AGBL3: variants seen among roughly 807,000 people sequenced by gnomAD.
AGBL3 encodes the protein cytosolic carboxypeptidase 3.
AGBL3 carries 68 observed loss-of-function variants against 94.5 expected under a neutral mutation model. The ratio of observed to expected loss-of-function variants is 0.72; its 90% CI spans 0.59 to 0.88. The LOEUF is 0.88. AGBL3 is among the 40% of genes least tolerant of loss of function. The probability of loss-of-function intolerance (pLI) is 0.00; values close to 1 mark genes in which losing one functional copy is unlikely to be tolerated. For missense variants in AGBL3, 934 were observed against 1,103.8 expected, an observed-to-expected ratio of 0.85 and a Z score of 2.18; for synonymous variants, 354 against 370.7, an observed-to-expected ratio of 0.95 and a Z score of 0.52.
intron 14 of AGBL3, among the ~76,000 whole-genome samples, chr7:135,080,652 C>A (rs1003034477): frequency 5.3e-5 from 8 of 151,790 alleles, no homozygotes. Flanking sequence ...AAGATAAGCC[C>A]AGGAGAGAAA....
At chr7:135,069,011 C>G (rs62479663) in intron 12 of AGBL3, among the ~76,000 whole-genome samples, 7,747 of 151,856 alleles carry the variant, frequency 0.051, 281 homozygotes, top group Middle Eastern at 0.18. Context: ...CAAATAGGCT[C>G]AAAATAAAGG....
rs765034879 is a variant in AGBL3 at position 135,050,993 on chromosome 7, ATTATTTC to A, written c.1841+5084_1841+5090del. The A allele has an allele frequency of 1.8e-3, 737 of 418,260 alleles. 10 individuals are homozygous for A. Among genetic ancestry groups the A allele is most frequent in the South Asian group, 0.01 (587 of 57,102 alleles). The allele number at this position is 418,260 out of a possible 1,614,324, so 25.9% of individuals were successfully genotyped here. ...TTTTTTTCTCTTTTCTTCTCTTCAA[ATTATTTC>A]TAATGCTGTCACTACCCACAGAGAA... On this transcript the variant is annotated intron_variant, in intron 11 of 16. Transcript: ENST00000436302.
intron 2 of AGBL3, among the ~76,000 whole-genome samples, chr7:134,988,698 C>G (rs924257172): frequency 7.9e-5 from 12 of 151,622 alleles, no homozygotes; most frequent in African/African-American, 2.9e-4. Flanking sequence ...AGTGCAATGG[C>G]GCGATCTCGG....
intron 4 of AGBL3, among the ~76,000 whole-genome samples, chr7:135,009,011 AC>A (rs1232388021): frequency 6.6e-6 from 1 of 152,186 alleles, no homozygotes; most frequent in Non-Finnish European, 1.5e-5. Flanking sequence ...AGAGATTGGA[AC>A]CCTTATACAC....
intron 4 of AGBL3, among the ~76,000 whole-genome samples, chr7:135,000,299 G>T (rs1811556197): frequency 6.6e-6 from 1 of 152,136 alleles, no homozygotes; most frequent in Non-Finnish European, 1.5e-5. Flanking sequence ...TGCCTCTGAG[G>T]GTGTTTCTGG....
At chr7:135,102,625 GTT>G (rs57957640) in intron 15 of AGBL3, among the ~76,000 whole-genome samples, 1 of 145,130 alleles carries the variant, frequency 6.9e-6, no homozygotes. Context: ...TTCTCTTGTG[GTT>G]TTTTTTTTTT....
intron 12 of AGBL3, among the ~76,000 whole-genome samples, chr7:135,070,859 T>C (rs1358099192): frequency 6.6e-6 from 1 of 152,082 alleles, no homozygotes; most frequent in African/African-American, 2.4e-5. Flanking sequence ...CAACATAGTG[T>C]TGGAAGTTCT....
rs544610769 is a variant in AGBL3 at position 135,126,982 on chromosome 7, C to T, written c.2343-7859C>T. Among the ~76,000 whole-genome samples, 6 of 152,240 alleles carry T rather than the reference C, an allele frequency of 3.9e-5. No individual in the cohort carries two copies. In the South Asian group the frequency reaches 8.3e-4, roughly 21 times the overall value. ...GGGTAAAGACTTCATGACAAAACAC[C>T]AAAAGCAATTGCAACAGAAGCCAAA... On this transcript the variant is annotated intron_variant, in intron 16 of 16. Transcript: ENST00000436302.
intron 4 of AGBL3, among the ~76,000 whole-genome samples, chr7:135,014,661 A>T (rs1030548753): frequency 6.6e-6 from 1 of 152,176 alleles, no homozygotes; most frequent in African/African-American, 2.4e-5. Flanking sequence ...AAAATGAAAC[A>T]TATGGTGAAG....
chr7:135,022,722 T>TA (rs1222214399), intron 5 of AGBL3, among the ~76,000 whole-genome samples: 1 of 152,186 alleles, frequency 6.6e-6, no homozygotes, highest in Non-Finnish European at 1.5e-5. Context: ...CATTTCATTA[T>TA]AAAATCTTTG....
Position 135,134,828 on chromosome 7 carries a change from A to T in AGBL3, c.2343-13A>T. The T allele has an allele frequency of 6.5e-7, 1 of 1,546,158 alleles. No individual in the cohort carries two copies. The highest frequency in any genetic ancestry group is 8.7e-7 in the Non-Finnish European group (1 of 1,143,346). ...TGATGGACAAAAATTCACGTATTTC[A>T]TTTCTTTTCTAGACTAAATCCGGCT... On this transcript the variant is annotated splice_polypyrimidine_tract_variant and intron_variant, in intron 16 of 16. Coordinates refer to ENST00000436302, the MANE Select transcript of AGBL3 (RefSeq NM_178563.4).
chr7:135,011,870 T>G (rs956784373), intron 4 of AGBL3: 2 of 152,180 alleles, frequency 1.3e-5, no homozygotes, highest in East Asian at 1.9e-4. Context: ...CGTTATTTAC[T>G]GAAATTGATA....
chr7:135,112,171 C>A (rs1450454888), intron 15 of AGBL3, among the ~76,000 whole-genome samples: 1 of 152,112 alleles, frequency 6.6e-6, no homozygotes, highest in Non-Finnish European at 1.5e-5. Context: ...TAATTCAGAC[C>A]CTCATTTTGC....
intron 12 of AGBL3, 94 bp downstream of exon 12, chr7:135,059,329 T>C (rs986083145): frequency 1.2e-4 from 78 of 655,400 alleles, no homozygotes; most frequent in Middle Eastern, 2.5e-4. Flanking sequence ...TGCAGATATG[T>C]AATTATTGTA....
At chr7:135,086,465 C>T (rs1821343594) in intron 15 of AGBL3, among the ~76,000 whole-genome samples, 1 of 151,892 alleles carries the variant, frequency 6.6e-6, no homozygotes, top group Non-Finnish European at 1.5e-5. Context: ...TCTTGTATGG[C>T]CTTTACTGTG....
chr7:135,096,073 A>C (rs929498735), intron 15 of AGBL3, among the ~76,000 whole-genome samples: 3 of 151,646 alleles, frequency 2.0e-5, no homozygotes, highest in Non-Finnish European at 4.4e-5. Context: ...AATTGCTTGA[A>C]CCTGGGAGGC....
At position 135,135,345 on chromosome 7, in the gene AGBL3, C is replaced by T; in HGVS notation, c.*84C>T. 1 of 1,241,550 alleles carries T rather than the reference C, an allele frequency of 8.1e-7. No individual in the cohort carries two copies. Among genetic ancestry groups the T allele is most frequent in the Non-Finnish European group, 1.1e-6 (1 of 937,496 alleles). 76.9% of individuals were successfully genotyped at this position (1,241,550 alleles called of 1,614,324 possible). ...AAAAGAAAAAAAGGAAAGCCCTCCC[C>T]TTCCCCTTTCCCTATCTCTCCCCTT... On this transcript the variant is annotated 3_prime_UTR_variant, in exon 17 of 17. Coordinates refer to ENST00000436302, the MANE Select transcript of AGBL3 (RefSeq NM_178563.4).
At chr7:135,008,215 T>C (rs963354237) in intron 4 of AGBL3, among the ~76,000 whole-genome samples, 4 of 151,966 alleles carry the variant, frequency 2.6e-5, no homozygotes, top group African/African-American at 9.7e-5. Context: ...ATTTGAGAGC[T>C]CACAATTTCT....
chr7:135,058,267 A>T (rs576585864), intron 11 of AGBL3, among the ~76,000 whole-genome samples: 1 of 152,258 alleles, frequency 6.6e-6, no homozygotes, highest in South Asian at 2.1e-4. Flanking sequence ...AAAAACATAA[A>T]TTATATTAAT....
Sources: allele counts gnomAD v4.1 joint callset (sites outside exome capture counted in the v4.1 genomes callset), GRCh38; gene constraint gnomAD v4.1.1; transcripts MANE v1.5; gene names NCBI Gene and HGNC (gene_info 2026-07-23, HGNC 2026-07-21).